Variants in CFAP54 observed in about 807,000 individuals in gnomAD.
The protein encoded by CFAP54 is cilia- and flagella-associated protein 54.
In CFAP54, 290 loss-of-function variants were observed where a neutral mutation model predicts 370.4. The observed-to-expected ratio is 0.78, with a 90% CI of 0.71 to 0.86. The LOEUF (loss-of-function observed/expected upper bound fraction) is 0.86, where lower values mean the gene tolerates loss of function less well. Ranked by LOEUF, CFAP54 falls within the 40% of genes least tolerant of loss-of-function variation. The probability of loss-of-function intolerance (pLI) is 0.00; values close to 1 mark genes in which losing one functional copy is unlikely to be tolerated. For missense variants in CFAP54, 3,399 were observed against 3,528.7 expected, an observed-to-expected ratio of 0.96 and a Z score of 0.93; for synonymous variants, 1,206 against 1,236.5, an observed-to-expected ratio of 0.98 and a Z score of 0.52.
intron 55 of CFAP54, among the ~76,000 whole-genome samples, chr12:96,753,155 C>G (rs1159495923): frequency 6.6e-6 from 1 of 152,148 alleles, no homozygotes; most frequent in Non-Finnish European, 1.5e-5. Context: ...TGGGGTCACA[C>G]AGATAAAGTC....
In CFAP54 at chr12:96,642,083, AG is replaced by A. The variant is rs201368481; in HGVS notation, c.4317-2094del. 4.2e-3 allele frequency among the ~76,000 whole-genome samples: 631 copies of A among 150,710 alleles called. 10 individuals carry two copies. The East Asian group carries it at 0.06, about 14-fold the overall frequency. ...CCCTAAAACTTAAAGTATAAAAAAA[AG>A]AAAAGAATGGTATTTGTGGTAGGTT... is the stretch of plus-strand genomic sequence containing the variant. On this transcript the variant is annotated intron_variant, in intron 32 of 67. Transcript: ENST00000524981.
intron 66 of CFAP54, among the ~76,000 whole-genome samples, chr12:96,840,252 A>G (rs1959203315): frequency 6.6e-6 from 1 of 152,242 alleles, no homozygotes; most frequent in African/African-American, 2.4e-5. Context: ...AGGATAAACT[A>G]GGTGGATTCT....
intron 32 of CFAP54, among the ~76,000 whole-genome samples, chr12:96,638,390 C>A (rs1956686636): frequency 6.6e-6 from 1 of 151,444 alleles, no homozygotes; most frequent in Admixed American, 6.6e-5. Context: ...CATGTACCAC[C>A]ACACCTGGCT....
intron 2 of CFAP54, among the ~76,000 whole-genome samples, chr12:96,501,796 A>C (rs1242202495): frequency 6.6e-6 from 1 of 152,152 alleles, no homozygotes; most frequent in Non-Finnish European, 1.5e-5. Flanking sequence ...GAGTGGTGGA[A>C]CTTCATAATG....
intron 62 of CFAP54, among the ~76,000 whole-genome samples, chr12:96,788,899 T>C (rs1412506929): frequency 6.6e-6 from 1 of 152,224 alleles, no homozygotes; most frequent in Non-Finnish European, 1.5e-5. Flanking sequence ...TACTGGGATA[T>C]TGTGGCATGC....
intron 63 of CFAP54, among the ~76,000 whole-genome samples, chr12:96,797,226 C>T (rs1392753836): frequency 1.3e-5 from 2 of 151,550 alleles, no homozygotes; most frequent in Non-Finnish European, 2.9e-5. Flanking sequence ...TGTTGAAACT[C>T]GATTTTTTTT....
intron 66 of CFAP54, among the ~76,000 whole-genome samples, chr12:96,839,686 A>C (rs993402959): frequency 3.3e-5 from 5 of 152,212 alleles, no homozygotes; most frequent in African/African-American, 1.2e-4. Context: ...GCTCCAAGAT[A>C]CCTGGGACAT....
intron 45 of CFAP54, among the ~76,000 whole-genome samples, chr12:96,699,101 A>G (rs1312112732): frequency 6.6e-6 from 1 of 152,192 alleles, no homozygotes; most frequent in East Asian, 1.9e-4. Flanking sequence ...TTACTCTCCT[A>G]TGCAAACATC....
chr12:96,565,387 T>A (rs893718887), intron 19 of CFAP54, among the ~76,000 whole-genome samples: 3 of 152,114 alleles, frequency 2.0e-5, no homozygotes, highest in Admixed American at 1.3e-4. Flanking sequence ...CATGCCACCA[T>A]GCCAGAATAT....
intron 38 of CFAP54, among the ~76,000 whole-genome samples, chr12:96,660,642 T>G (rs1558978): frequency 0.84 from 128,531 of 152,218 alleles, 54,780 homozygotes; most frequent in African/African-American, 0.94. Context: ...CACCAGATGT[T>G]TGGGGATTTC....
intron 42 of CFAP54, among the ~76,000 whole-genome samples, chr12:96,688,665 G>A (rs915651361): frequency 7.9e-5 from 12 of 151,988 alleles, no homozygotes; most frequent in Admixed American, 7.2e-4. Context: ...TTCTCCGTGT[G>A]TATAATTATA....
chr12:96,543,695 A>G (rs1165052054), intron 14 of CFAP54, among the ~76,000 whole-genome samples: 4 of 152,154 alleles, frequency 2.6e-5, no homozygotes, highest in Non-Finnish European at 5.9e-5. Context: ...TAGATGCATG[A>G]AAGGCACTAA....
chr12:96,687,274 C>T (rs1957340071), intron 42 of CFAP54, among the ~76,000 whole-genome samples: 1 of 152,170 alleles, frequency 6.6e-6, no homozygotes, highest in African/African-American at 2.4e-5. Flanking sequence ...CTTTGTTGCC[C>T]TGTAAGGTCA....
At chr12:96,586,225 G>A (rs978320408) in intron 22 of CFAP54, among the ~76,000 whole-genome samples, 1 of 152,154 alleles carries the variant, frequency 6.6e-6, no homozygotes, top group African/African-American at 2.4e-5. Context: ...CTGAGTTTGG[G>A]TCTGGGAATT....
intron 60 of CFAP54, among the ~76,000 whole-genome samples, chr12:96,767,060 T>G (rs1353280179): frequency 6.6e-6 from 1 of 152,200 alleles, no homozygotes; most frequent in Non-Finnish European, 1.5e-5. Flanking sequence ...ATCACACAAA[T>G]GCATTTAAGG....
chr12:96,865,716 G>A (rs1959983657), intron 67 of CFAP54, among the ~76,000 whole-genome samples: 2 of 152,044 alleles, frequency 1.3e-5, no homozygotes, highest in African/African-American at 4.8e-5. Flanking sequence ...TGGTTGGCAA[G>A]CTTTGTATAG....
chr12:96,754,875 C>A (rs1179089918), intron 56 of CFAP54, among the ~76,000 whole-genome samples: 1 of 152,072 alleles, frequency 6.6e-6, no homozygotes, highest in Non-Finnish European at 1.5e-5. Context: ...TACTGAGTAA[C>A]TGGGACCATA....
intron 63 of CFAP54, among the ~76,000 whole-genome samples, chr12:96,795,457 G>T (rs1354428756): frequency 6.6e-6 from 1 of 152,036 alleles, no homozygotes; most frequent in African/African-American, 2.4e-5. Flanking sequence ...GGCTTGCTGT[G>T]GCTGCTGTGG....
At chr12:96,845,120 A>G (rs902482578) in intron 66 of CFAP54, among the ~76,000 whole-genome samples, 1 of 152,220 alleles carries the variant, frequency 6.6e-6, no homozygotes, top group African/African-American at 2.4e-5. Context: ...AGCATGGAGT[A>G]TTCCTAAGGG....
Sources: allele counts gnomAD v4.1 joint callset (sites outside exome capture counted in the v4.1 genomes callset), GRCh38; gene constraint gnomAD v4.1.1; transcripts MANE v1.5; gene names NCBI Gene and HGNC (gene_info 2026-07-23, HGNC 2026-07-21).